Variants in DLC1 observed in about 807,000 individuals in gnomAD.
DLC1 encodes the protein DLC1 Rho GTPase activating protein, also known as rho GTPase-activating protein 7.
DLC1 carries 54 observed loss-of-function variants against 140.3 expected under a neutral mutation model. The observed-to-expected ratio is 0.38, with a 90% CI of 0.31 to 0.48. DLC1 has a LOEUF of 0.48. Ranked by LOEUF, DLC1 falls within the 20% of genes least tolerant of loss-of-function variation. The pLI is 0.96. For missense variants in DLC1, 2,536 were observed against 1,907.0 expected (o/e 1.33, Z -6.14); for synonymous variants, 986 against 728.1 (o/e 1.35, Z -5.70).
intron 2 of DLC1, among the ~76,000 whole-genome samples, chr8:13,405,917 T>TTTTCTTTCTTTCTTTTCTTTC (rs1554514393): frequency 4.1e-4 from 35 of 84,944 alleles, no homozygotes; most frequent in African/African-American, 1.7e-3. Context: ...CTTTCTTTTC[T>TTTTCTTTCTTTCTTTTCTTTC]TTTCTTTCTT....
At chr8:13,468,808 C>G (rs538025345) in intron 2 of DLC1, among the ~76,000 whole-genome samples, 1 of 83,960 alleles carries the variant, frequency 1.2e-5, no homozygotes, top group African/African-American at 4.4e-5. Flanking sequence ...AATTTTATGT[C>G]TGCTTTTTTT....
intron 2 of DLC1, among the ~76,000 whole-genome samples, chr8:13,466,363 C>T: frequency 6.6e-6 from 1 of 152,190 alleles, no homozygotes; most frequent in Non-Finnish European, 1.5e-5. Context: ...TCTGTTGTTT[C>T]ATGTGTTTTG....
intron 5 of DLC1, among the ~76,000 whole-genome samples, chr8:13,219,535 C>A (rs1020035865): frequency 1.3e-5 from 2 of 150,414 alleles, no homozygotes; most frequent in African/African-American, 4.9e-5. Flanking sequence ...AATATATATA[C>A]ATTTATATTT....
At chr8:13,427,485 G>C (rs1026121746) in intron 2 of DLC1, among the ~76,000 whole-genome samples, 1 of 152,146 alleles carries the variant, frequency 6.6e-6, no homozygotes, top group African/African-American at 2.4e-5. Flanking sequence ...TCTTAACATA[G>C]ATGAAGATTT....
At chr8:13,571,093 A>G (rs563073705) in intron 1 of DLC1, among the ~76,000 whole-genome samples, 2 of 152,292 alleles carry the variant, frequency 1.3e-5, no homozygotes, top group Admixed American at 1.3e-4. Flanking sequence ...ATAAATAACC[A>G]CTTACTTTAA....
intron 2 of DLC1, among the ~76,000 whole-genome samples, chr8:13,443,028 A>G (rs1004049724): frequency 2.0e-5 from 3 of 152,182 alleles, no homozygotes; most frequent in Non-Finnish European, 4.4e-5. Flanking sequence ...GCAGCCATAA[A>G]AAAGGATGAG....
chr8:13,420,203 C>G (rs960933207), intron 2 of DLC1, among the ~76,000 whole-genome samples: 2 of 152,076 alleles, frequency 1.3e-5, no homozygotes, highest in African/African-American at 4.8e-5. Flanking sequence ...TTTTTTGTGT[C>G]TCTATTTCCT....
At chr8:13,340,286 T>A (rs1264410987) in intron 4 of DLC1, 1 of 152,276 alleles carries the variant, frequency 6.6e-6, no homozygotes, top group Admixed American at 6.5e-5. Context: ...ATGCAACCTC[T>A]GCCTCCCGGA....
At chr8:13,412,065 T>C (rs1042208397) in intron 2 of DLC1, among the ~76,000 whole-genome samples, 2 of 152,166 alleles carry the variant, frequency 1.3e-5, no homozygotes, top group African/African-American at 4.8e-5. Flanking sequence ...AATACAATTA[T>C]AGACTGGGAG....
chr8:13,243,918 G>A (rs1563193356), intron 5 of DLC1, among the ~76,000 whole-genome samples: 1 of 152,104 alleles, frequency 6.6e-6, no homozygotes, highest in Non-Finnish European at 1.5e-5. Flanking sequence ...ATATGCACCT[G>A]TCCTGGGGTT....
intron 4 of DLC1, among the ~76,000 whole-genome samples, chr8:13,393,318 G>T (rs1002956958): frequency 4.6e-5 from 7 of 152,086 alleles, no homozygotes; most frequent in African/African-American, 1.4e-4. Flanking sequence ...AATTTAATTA[G>T]CACGTTTCGA....
rs1371466721 is a variant in DLC1, at chr8:13,291,670, TAGAC to T, written c.1348+13595_1348+13598del. On this transcript the variant is annotated intron_variant, in intron 5 of 17. Transcript: ENST00000276297. The stretch of plus-strand genomic sequence containing the variant: ...ATAAATAAAGTAAATGTAAGTGACA[TAGAC>T]AGTAATAAATATAAATAAGGTAAAT... 1.6e-3 allele frequency among the ~76,000 whole-genome samples: 244 copies of T among 152,266 alleles called. 3 individuals carry two copies. The highest frequency in any genetic ancestry group is 3.2e-4 in the Non-Finnish European group (22 of 68,012).
chr8:13,303,942 T>C lies in DLC1; in HGVS notation c.1348+1327A>G, dbSNP rs1327303074. On this transcript the variant is annotated intron_variant, in intron 5 of 17. Coordinates refer to ENST00000276297, the MANE Select transcript of DLC1 (RefSeq NM_182643.3). Reference sequence around the variant, plus strand: ...TCTGCCTTCCTGTCTCCGCCAGCCATGGCATTTCCATTCCTTCTTTCCCCT... The same window carrying C: ...TCTGCCTTCCTGTCTCCGCCAGCCACGGCATTTCCATTCCTTCTTTCCCCT... Among the ~76,000 whole-genome samples, 5 of 152,344 alleles carry C rather than the reference T, an allele frequency of 3.3e-5. No individual in the cohort carries two copies. In the South Asian group the frequency reaches 8.3e-4, roughly 25 times the overall value.
intron 4 of DLC1, among the ~76,000 whole-genome samples, chr8:13,312,645 G>T (rs909957706): frequency 7.2e-5 from 11 of 151,802 alleles, no homozygotes; most frequent in Admixed American, 2.6e-4. Context: ...TAGAAAAAAT[G>T]CCTATTAAAA....
chr8:13,440,911 C>T (rs1353266699), intron 2 of DLC1, among the ~76,000 whole-genome samples: 1 of 152,124 alleles, frequency 6.6e-6, no homozygotes, highest in Non-Finnish European at 1.5e-5. Flanking sequence ...ACCTCCTCTT[C>T]TTCCCGGTCT....
intron 5 of DLC1, among the ~76,000 whole-genome samples, chr8:13,136,008 T>C (rs975697163): frequency 1.3e-5 from 2 of 152,330 alleles, no homozygotes; most frequent in Non-Finnish European, 2.9e-5. Context: ...CAGTCTTTGG[T>C]CTATTGACAC....
intron 5 of DLC1, among the ~76,000 whole-genome samples, chr8:13,143,979 C>A (rs1823233485): frequency 6.6e-6 from 1 of 152,152 alleles, no homozygotes; most frequent in Non-Finnish European, 1.5e-5. Flanking sequence ...ACTGCAGCGG[C>A]CGGAGAGACC....
At chr8:13,396,523 A>G (rs56157545) in intron 3 of DLC1, among the ~76,000 whole-genome samples, 22,289 of 152,112 alleles carry the variant, frequency 0.15, 1,808 homozygotes, top group Non-Finnish European at 0.19. Context: ...ATCTGCTTCA[A>G]TGTTCATCAC....
At chr8:13,519,514 A>G (rs1270452005), upstream of DLC1, among the ~76,000 whole-genome samples, 1 of 152,212 alleles carries the variant, frequency 6.6e-6, no homozygotes, top group Non-Finnish European at 1.5e-5. Flanking sequence ...TTCAATAAGC[A>G]TCATGCGCAT....
Sources: gnomAD v4.1 joint callset for allele counts (sites outside exome capture counted in the v4.1 genomes callset) on GRCh38, gnomAD v4.1.1 for gene constraint, MANE v1.5 for transcripts, NCBI Gene and HGNC (gene_info 2026-07-23, HGNC 2026-07-21) for gene names.